Variants in GCNA observed in about 807,000 individuals in gnomAD.
The protein encoded by GCNA is germ cell nuclear acidic peptidase.
GCNA carries 3 observed loss-of-function variants against 38.8 expected under a neutral mutation model. The observed-to-expected ratio is 0.08, with a 90% confidence interval of 0.04 to 0.20. GCNA has a LOEUF of 0.20. Among genes scored for constraint, GCNA ranks in the 10% least tolerant of loss-of-function variants. The pLI is 1.00. For missense variants in GCNA, 446 were observed against 578.6 expected (o/e 0.77, Z 2.35); for synonymous variants, 195 against 240.2 (o/e 0.81, Z 1.74).
intron 2 of GCNA, among the ~76,000 whole-genome samples, chrX:71,584,774 G>A (rs1355946908): frequency 1.8e-5 from 2 of 110,595 alleles, no homozygotes; most frequent in East Asian, 2.9e-4. Flanking sequence ...AGGCTGAGGC[G>A]GGAGAATGGC....
In GCNA at chrX:71,603,858, A is replaced by G. The variant is rs758767335; in HGVS notation, c.581A>G (p.Asp194Gly). The G allele has an allele frequency of 5.0e-6, 6 of 1,205,835 alleles. No individual in the cohort carries two copies. The highest frequency in any genetic ancestry group is 1.8e-5 in the South Asian group (1 of 56,482). ...TCGGATGTTCCCGACGACAACAGTG[A>G]TGATTCATCCGACGACAACAGTGAT... ...DDSDVPDDNS[D>G]DSSDDNSDDS... Residue 194 changes from aspartate (D) to glycine (G), a missense_variant, in exon 8 of 13, where the codon GAT becomes GGT. By Grantham distance (94) the Asp-to-Gly change is moderately conservative. Coordinates refer to ENST00000373696, the MANE Select transcript of GCNA (RefSeq NM_052957.5).
At position 71,612,883 on chromosome X, in the gene GCNA, G is replaced by A. The variant is rs780157661; in HGVS notation, c.1977G>A (p.Ser659=). The A allele has an allele frequency of 1.6e-5, 19 of 1,209,434 alleles. No homozygotes were observed. The East Asian group carries it at 4.4e-4, about 28-fold the overall frequency. The change falls in exon 13 of 13, where the codon TCG becomes TCA. Residue 659 remains serine, a synonymous_variant. Transcript: ENST00000373696. ...CKTRIGCYTK[S]LDTSRFICAK... ...CCAGGATTGGCTGCTACACCAAATC[G>A]TTGGACACCAGCCGCTTCATCTGTG...
At chrX:71,578,933 T>G (rs1602163401) in intron 1 of GCNA, among the ~76,000 whole-genome samples, 1 of 44,905 alleles carries the variant, frequency 2.2e-5, no homozygotes, top group Admixed American at 2.5e-4. Flanking sequence ...GGGGCACCAG[T>G]GGCGGCGTTG....
chrX:71,607,310 ACCTCT>A (rs2040775403), intron 9 of GCNA, among the ~76,000 whole-genome samples: 1 of 111,854 alleles, frequency 8.9e-6, no homozygotes, highest in Non-Finnish European at 1.9e-5. Flanking sequence ...ACCTTCTGTA[ACCTCT>A]GTCTTGTCTG....
chrX:71,590,183 T>C (rs980049984), intron 2 of GCNA, among the ~76,000 whole-genome samples: 1 of 112,139 alleles, frequency 8.9e-6, no homozygotes, highest in Admixed American at 9.5e-5. Context: ...TGCCTTCTTT[T>C]TGACCATGTA....
intron 9 of GCNA, among the ~76,000 whole-genome samples, chrX:71,608,129 G>A (rs2040781636): frequency 9.0e-6 from 1 of 111,397 alleles, no homozygotes; most frequent in Non-Finnish European, 1.9e-5. Context: ...ACACTGGAGT[G>A]TTCTCATATC....
intron 6 of GCNA, among the ~76,000 whole-genome samples, chrX:71,596,644 C>A (rs956358770): frequency 1.8e-5 from 2 of 111,921 alleles, no homozygotes; most frequent in African/African-American, 6.5e-5. Context: ...TTTTAAGGGA[C>A]CTGCAAGGAG....
chrX:71,608,533 A>C (rs1299307097), intron 9 of GCNA, among the ~76,000 whole-genome samples: 1 of 112,514 alleles, frequency 8.9e-6, no homozygotes, highest in African/African-American at 3.2e-5. Flanking sequence ...CGGCCTCCCA[A>C]AGTGTTGAGA....
At position 71,609,081 on chromosome X, in the gene GCNA, C is replaced by T; in HGVS notation, c.1575C>T (p.Ile525=). Residue 525 remains isoleucine (I), a synonymous_variant, in exon 10 of 13, where the codon ATC becomes ATT. Transcript: ENST00000373696. ...ATAAGGATGAATTGGTTCAGAGAAT[C>T]TACGACCTGTTTAACAGATCCGTCT... ...KRNKDELVQR[I]YDLFNRSVCD... 1 of 1,210,945 alleles carries T rather than the reference C, an allele frequency of 8.3e-7. No homozygotes were observed. The highest frequency in any genetic ancestry group is 2.2e-5 in the Admixed American group (1 of 45,823).
chrX:71,612,371 C>T lies in GCNA; in HGVS notation c.1767C>T (p.Thr589=), dbSNP rs374548018. 5 of 1,198,657 alleles carry T rather than the reference C, an allele frequency of 4.2e-6. No individual in the cohort carries two copies. In the Admixed American group the frequency reaches 6.7e-5, roughly 16 times the overall value. Reference sequence around the variant, plus strand: ...TCTTTCAAGACCGAATCCGGGATACCTTGATCCATGAAATGTGCCATGCTG... The same window carrying T: ...TCTTTCAAGACCGAATCCGGGATACTTTGATCCATGAAATGTGCCATGCTG... The part of the protein sequence containing the change: ...VCDSADRIRD[T]LIHEMCHAAS... The change falls in exon 12 of 13, where the codon ACC becomes ACT. Residue 589 remains threonine, a synonymous_variant. Coordinates refer to ENST00000373696, the MANE Select transcript of GCNA (RefSeq NM_052957.5).
intron 10 of GCNA, 138 bp from the exon 11 acceptor site, chrX:71,610,543 G>A (rs1317886057): frequency 2.6e-6 from 2 of 756,788 alleles, no homozygotes; most frequent in Non-Finnish European, 3.7e-6. Context: ...AACCTGGGAA[G>A]CAGAGGTTGC....
Position 71,612,962 on chromosome X carries a change from C to T in GCNA, c.2056C>T (p.Arg686Cys), listed in dbSNP as rs376298923. 37 of 1,209,710 alleles carry T rather than the reference C, an allele frequency of 3.1e-5. No homozygotes were observed. The highest frequency in any genetic ancestry group is 2.3e-4 in the Middle Eastern group (1 of 4,353). The change falls in exon 13 of 13, where the codon CGT becomes TGT. Residue 686 changes from arginine to cysteine, a missense_variant. Arg to Cys is a radical substitution (Grantham distance 180, BLOSUM62 -3). Coordinates refer to ENST00000373696, the MANE Select transcript of GCNA (RefSeq NM_052957.5). ...MVPLTQKDGT[R>C]IVPHV ...GCCATTAACTCAGAAAGATGGGACCCGTATTGTGCCCCACGTGTGACCATT... is the reference window on the plus strand; with the variant it reads ...GCCATTAACTCAGAAAGATGGGACCTGTATTGTGCCCCACGTGTGACCATT...
intron 9 of GCNA, among the ~76,000 whole-genome samples, chrX:71,606,053 G>C (rs759216775): frequency 1.1e-3 from 129 of 112,830 alleles, no homozygotes; most frequent in Middle Eastern, 4.6e-3. Context: ...CTTCAACTCA[G>C]ATCAAAGAAC....
intron 9 of GCNA, among the ~76,000 whole-genome samples, chrX:71,607,336 C>A (rs997225828): frequency 8.9e-6 from 1 of 112,057 alleles, no homozygotes; most frequent in African/African-American, 3.2e-5. Flanking sequence ...GTACTTCCCC[C>A]CTCTGCAGCC....
chrX:71,582,411 G>C (rs1331156673), intron 2 of GCNA, among the ~76,000 whole-genome samples: 3 of 108,834 alleles, frequency 2.8e-5, no homozygotes, highest in Non-Finnish European at 3.8e-5. Context: ...GAAAAGTAAA[G>C]AAATGATAAA....
chrX:71,579,401 G>A (rs1425626218), intron 1 of GCNA, among the ~76,000 whole-genome samples: 1 of 99,287 alleles, frequency 1.0e-5, no homozygotes, highest in Admixed American at 1.1e-4. Flanking sequence ...GGGTGCCAAT[G>A]GGGGCGTTGA....
In GCNA at chrX:71,604,567, G is replaced by A. The variant is rs1353508962; in HGVS notation, c.1290G>A (p.Lys430=). The change falls in exon 8 of 13, where the codon AAG becomes AAA. Residue 430 remains lysine (K), a synonymous_variant. Coordinates refer to ENST00000373696, the MANE Select transcript of GCNA (RefSeq NM_052957.5). ...IVEPPRKRQT[K]TKNIVEPPRK... The stretch of plus-strand genomic sequence containing the variant: ...AGCCACCGAGGAAAAGGCAGACAAA[G>A]ACCAAAAATATAGTGGAGCCACCAA... The A allele has an allele frequency of 8.4e-7, 1 of 1,194,087 alleles. No individual in the cohort carries two copies. Among genetic ancestry groups the A allele is most frequent in the Admixed American group, 2.3e-5 (1 of 42,874 alleles).
intron 8 of GCNA, 90 bp from the exon 9 acceptor site, chrX:71,605,573 G>A: frequency 1.4e-6 from 1 of 730,771 alleles, no homozygotes; most frequent in Non-Finnish European, 2.0e-6. Flanking sequence ...TTGGCTGTGA[G>A]GGCTCCTTTT....
chrX:71,582,691 A>G (rs2040555842), intron 2 of GCNA, among the ~76,000 whole-genome samples: 1 of 112,140 alleles, frequency 8.9e-6, no homozygotes, highest in Non-Finnish European at 1.9e-5. Flanking sequence ...ATGTGATTAT[A>G]TCATACATGT....
Sources: gnomAD v4.1 joint callset for allele counts (sites outside exome capture counted in the v4.1 genomes callset) on GRCh38, gnomAD v4.1.1 for gene constraint, MANE v1.5 for transcripts, NCBI Gene and HGNC (gene_info 2026-07-23, HGNC 2026-07-21) for gene names.